The following PPP2R5C variants were observed in gnomAD, a reference collection of about 807,000 sequenced individuals.
The protein encoded by PPP2R5C is serine/threonine-protein phosphatase 2A 56 kDa regulatory subunit gamma isoform.
Under a neutral mutation model 68.9 loss-of-function variants are expected in PPP2R5C, and 7 were observed. That is an observed-to-expected ratio of 0.10 (90% CI 0.06 to 0.19). The LOEUF (loss-of-function observed/expected upper bound fraction) is 0.19. Among genes scored for constraint, PPP2R5C ranks in the 10% least tolerant of loss-of-function variants. The pLI is 1.00. For synonymous variants in PPP2R5C, 210 were observed against 222.2 expected (o/e 0.95, Z 0.49); for missense variants, 348 against 641.3 (o/e 0.54, Z 4.94).
At chr14:101,863,994 G>C (rs2042913646) in intron 2 of PPP2R5C, among the ~76,000 whole-genome samples, 1 of 152,150 alleles carries the variant, frequency 6.6e-6, no homozygotes, top group Admixed American at 6.5e-5. Flanking sequence ...GTGCTCTCCA[G>C]GTCATCCTCA....
intron 2 of PPP2R5C, among the ~76,000 whole-genome samples, chr14:101,881,953 G>T (rs540554293): frequency 2.6e-5 from 4 of 152,148 alleles, no homozygotes; most frequent in Admixed American, 6.5e-5. Flanking sequence ...GTCAACTTGC[G>T]TGCGCACCTG....
At position 101,913,893 on chromosome 14, in the gene PPP2R5C, C is replaced by G. The variant is rs1338717909; in HGVS notation, c.1326+1420C>G. Among the ~76,000 whole-genome samples the G allele has an allele frequency of 4.7e-5, 7 of 149,674 alleles. No individual in the cohort carries two copies. Among genetic ancestry groups the G allele is most frequent in the Non-Finnish European group, 9.0e-5 (6 of 66,492 alleles). ...AAATGAATACACACACACACACAAA[C>G]ACACACACACGAATCAGAAGGTCTG... is the stretch of plus-strand genomic sequence containing the variant. On this transcript the variant is annotated intron_variant, in intron 12 of 13. Transcript: ENST00000334743. The surrounding 1 kb of genome is among the most constrained non-coding windows in gnomAD (Gnocchi z 4.1).
At chr14:101,859,716 G>T (rs1008517178) in intron 2 of PPP2R5C, among the ~76,000 whole-genome samples, 1 of 152,134 alleles carries the variant, frequency 6.6e-6, no homozygotes, top group African/African-American at 2.4e-5. Context: ...CCCAAGCAGT[G>T]CCTGGGCCTG....
intron 3 of PPP2R5C, among the ~76,000 whole-genome samples, chr14:101,792,307 C>A (rs558002824): frequency 2.0e-5 from 3 of 152,158 alleles, no homozygotes; most frequent in Non-Finnish European, 4.4e-5. Context: ...CTTTACAATT[C>A]AAAAAGTACT....
chr14:101,762,573 C>T (rs975052599), intron 1 of PPP2R5C, among the ~76,000 whole-genome samples: 1 of 152,078 alleles, frequency 6.6e-6, no homozygotes, highest in East Asian at 1.9e-4. Flanking sequence ...CCCCAGAAAT[C>T]CTCACTCATA....
At chr14:101,812,287 C>T (rs1277152796) in intron 1 of PPP2R5C, among the ~76,000 whole-genome samples, 2 of 152,166 alleles carry the variant, frequency 1.3e-5, no homozygotes, top group African/African-American at 2.4e-5. Flanking sequence ...AGGAGCTCTG[C>T]CACGAGAGGG....
At chr14:101,908,023 A>C (rs2046156746) in intron 10 of PPP2R5C, among the ~76,000 whole-genome samples, 1 of 152,190 alleles carries the variant, frequency 6.6e-6, no homozygotes, top group South Asian at 2.1e-4. Flanking sequence ...TTTGGTTCAC[A>C]TTCCTGCCTT....
At chr14:101,892,791 G>A (rs2474672) in intron 6 of PPP2R5C, among the ~76,000 whole-genome samples, 24,041 of 151,950 alleles carry the variant, frequency 0.16, 2,509 homozygotes, top group African/African-American at 0.29. Context: ...TGATTATAGC[G>A]CACTACAGCC....
exon 3 of PPP2R5C, chr14:101,786,063 G>T: frequency 6.5e-7 from 1 of 1,550,164 alleles, no homozygotes; most frequent in Non-Finnish European, 8.7e-7. Flanking sequence ...CCCGTCTACA[G>T]TATCTGCTAA....
intron 1 of PPP2R5C, chr14:101,824,167 G>T: frequency 7.9e-7 from 1 of 1,271,960 alleles, no homozygotes. Flanking sequence ...GAGTATTTTC[G>T]TGGTAAACGT....
At chr14:101,809,732 C>T (rs1039985629), upstream of PPP2R5C, 5 of 1,085,350 alleles carry the variant, frequency 4.6e-6, no homozygotes, top group Non-Finnish European at 6.1e-6. Context: ...CACTGACAGC[C>T]AAACAGAACG....
Position 101,835,765 on chromosome 14 carries a change from G to A in PPP2R5C, c.95-20921G>A, listed in dbSNP as rs750205259. Among the ~76,000 whole-genome samples, 4 of 152,078 alleles carry A rather than the reference G, an allele frequency of 2.6e-5. No homozygotes were observed. Among genetic ancestry groups the A allele is most frequent in the Admixed American group, 6.5e-5 (1 of 15,278 alleles). On this transcript the variant is annotated intron_variant, in intron 1 of 13. Coordinates refer to ENST00000334743, the Ensembl canonical transcript of PPP2R5C. This position sits in a 1 kb window ranked among gnomAD's most constrained non-coding sequence, Gnocchi z 5.0. ...GCCGCCTGCACAGCCGTCCCCTCAC[G>A]GGGTGCCTCTTGCCCTTGCAGATCA... is the stretch of plus-strand genomic sequence containing the variant.
At position 101,826,595 on chromosome 14, in the gene PPP2R5C, A is replaced by G. The variant is rs375021767; in HGVS notation, c.94+16559A>G. ...CTCTCCTACTTTGTTCTTTTTTTCA[A>G]AATTGTTTTGGTATTTTGGGTCCCT... On this transcript the variant is annotated intron_variant, in intron 1 of 13. Transcript: ENST00000334743. 1.8e-4 allele frequency among the ~76,000 whole-genome samples: 27 copies of G among 152,086 alleles called. No individual in the cohort carries two copies. The South Asian group carries it at 5.4e-3, about 30-fold the overall frequency.
Position 101,915,369 on chromosome 14 carries a change from C to T in PPP2R5C, c.1327-2462C>T, listed in dbSNP as rs147593482. On this transcript the variant is annotated intron_variant, in intron 12 of 13. Transcript: ENST00000334743. This position sits in a 1 kb window ranked among gnomAD's most constrained non-coding sequence, Gnocchi z 4.2. ...TGCTGGGATTACAGGTGTGAGCCAC[C>T]GCACCTGGCCTTCAGTGAAGGTTTT... 7.2e-5 allele frequency among the ~76,000 whole-genome samples: 11 copies of T among 152,272 alleles called. No homozygotes were observed. Among genetic ancestry groups the T allele is most frequent in the Non-Finnish European group, 1.0e-4 (7 of 68,026 alleles).
intron 13 of PPP2R5C, chr14:101,921,056 T>A (rs774213388): frequency 3.3e-5 from 1 of 30,384 alleles, no homozygotes; most frequent in Non-Finnish European, 5.2e-5. Flanking sequence ...AAATTCTGCT[T>A]TTTTTTTTTT....
chr14:101,901,785 G>A (rs2141029145), exon 9 of PPP2R5C: 1 of 1,613,940 alleles, frequency 6.2e-7, no homozygotes, highest in Non-Finnish European at 8.5e-7. Context: ...GTTCTTAAAC[G>A]AATTAGAAGA....
upstream of PPP2R5C, among the ~76,000 whole-genome samples, chr14:101,806,542 C>T (rs1047383038): frequency 6.6e-6 from 1 of 152,094 alleles, no homozygotes; most frequent in East Asian, 1.9e-4. Context: ...CAAGTCTTTG[C>T]TATTGTAAAT....
chr14:101,847,393 C>G (rs1313404453), intron 1 of PPP2R5C, among the ~76,000 whole-genome samples: 3 of 152,168 alleles, frequency 2.0e-5, no homozygotes, highest in Non-Finnish European at 4.4e-5. Context: ...TGCCTCTAGA[C>G]AGTCTCCCCA....
chr14:101,766,668 A>G (rs1322998751), intron 2 of PPP2R5C: 4 of 152,196 alleles, frequency 2.6e-5, no homozygotes, highest in Non-Finnish European at 5.9e-5. Context: ...CCTGGAAATA[A>G]AAGTTTCTTC....
Sources: gnomAD v4.1 joint callset for allele counts (sites outside exome capture counted in the v4.1 genomes callset) on GRCh38, gnomAD v4.1.1 for gene constraint, Gnocchi (gnomAD v3.1) non-coding constraint, MANE v1.5 for transcripts, NCBI Gene and HGNC (gene_info 2026-07-23, HGNC 2026-07-21) for gene names.